TRIO: variants seen among roughly 807,000 people sequenced by gnomAD.
TRIO encodes triple functional domain protein.
Under a neutral mutation model 351.9 loss-of-function variants are expected in TRIO, and 58 were observed. The observed-to-expected ratio is 0.16, with a 90% CI of 0.13 to 0.21. The LOEUF is 0.21. TRIO is among the 10% of genes least tolerant of loss of function. The pLI, the probability that TRIO is intolerant of heterozygous loss-of-function variation, is 1.00. For synonymous variants in TRIO, 1,758 were observed against 1,595.7 expected, an observed-to-expected ratio of 1.10 and a Z score of -2.42; for missense variants, 3,201 against 4,027.8, an observed-to-expected ratio of 0.79 and a Z score of 5.56.
At chr5:14,320,172 G>A (rs1245853395) in intron 9 of TRIO, among the ~76,000 whole-genome samples, 2 of 152,128 alleles carry the variant, frequency 1.3e-5, no homozygotes, top group East Asian at 1.9e-4. Flanking sequence ...AACTCTCAGC[G>A]AAGGTTTGGT....
intron 1 of TRIO, among the ~76,000 whole-genome samples, chr5:14,211,661 A>G (rs16903313): frequency 0.056 from 8,262 of 147,450 alleles, 752 homozygotes; most frequent in African/African-American, 0.2. Flanking sequence ...TTTTTGTCAC[A>G]TATGTTTTCT....
At chr5:14,396,067 A>AG (rs1343607169) in intron 28 of TRIO, among the ~76,000 whole-genome samples, 2 of 150,350 alleles carry the variant, frequency 1.3e-5, no homozygotes, top group Non-Finnish European at 3.0e-5. Flanking sequence ...AAAAAAAAAA[A>AG]GGATCTTGGA....
At chr5:14,479,795 C>T (rs1755378262) in intron 42 of TRIO, 124 bp from the exon 43 acceptor site, 1 of 802,772 alleles carries the variant, frequency 1.2e-6, no homozygotes, top group African/African-American at 1.7e-5. Context: ...TCTAGTTAGT[C>T]TAGTGCTTTT....
intron 9 of TRIO, among the ~76,000 whole-genome samples, chr5:14,321,464 G>A (rs1181767266): frequency 6.6e-6 from 1 of 152,248 alleles, no homozygotes; most frequent in African/African-American, 2.4e-5. Flanking sequence ...ACAGCATCAA[G>A]CTCATCTTGG....
At chr5:14,233,261 A>C (rs1489007898) in intron 1 of TRIO, among the ~76,000 whole-genome samples, 1 of 148,220 alleles carries the variant, frequency 6.7e-6, no homozygotes, top group Non-Finnish European at 1.5e-5. Flanking sequence ...CAAGTGGATC[A>C]CTTGAGCCCA....
chr5:14,434,634 G>T (rs547202072), intron 34 of TRIO, among the ~76,000 whole-genome samples: 2 of 152,190 alleles, frequency 1.3e-5, no homozygotes, highest in African/African-American at 4.8e-5. Context: ...GCATGAACCC[G>T]AATGCAGTGC....
rs760691807 is a variant in TRIO at position 14,398,899 on chromosome 5, G to A, written c.4443G>A (p.Glu1481=). 12 of 1,613,816 alleles carry A rather than the reference G, an allele frequency of 7.4e-6. No individual in the cohort carries two copies. The highest frequency in any genetic ancestry group is 4.4e-5 in the South Asian group (4 of 91,050). Residue 1481 remains glutamate (E), a synonymous_variant, in exon 30 of 57, where the codon GAG becomes GAA. Coordinates refer to ENST00000344204, the MANE Select transcript of TRIO (RefSeq NM_007118.4). ...TTGTAGGGTTTGATGAAAACATTGA[G>A]TCTCAGGGAGAACTCATCCTACAGG... is the stretch of plus-strand genomic sequence containing the variant. The part of the protein sequence containing the change: ...SMLEGFDENI[E]SQGELILQES...
intron 4 of TRIO, among the ~76,000 whole-genome samples, chr5:14,290,346 T>G (rs1008483607): frequency 1.3e-5 from 2 of 152,228 alleles, no homozygotes; most frequent in African/African-American, 4.8e-5. Context: ...TAAGTGAAAT[T>G]TCTGAATTGT....
At chr5:14,254,126 G>A (rs953139290) in intron 1 of TRIO, among the ~76,000 whole-genome samples, 3 of 152,162 alleles carry the variant, frequency 2.0e-5, no homozygotes, top group Admixed American at 2.0e-4. Flanking sequence ...GAATAGTAAA[G>A]TAAGTAATAA....
chr5:14,246,170 G>T (rs1400097900), intron 1 of TRIO, among the ~76,000 whole-genome samples: 2 of 152,126 alleles, frequency 1.3e-5, no homozygotes, highest in African/African-American at 2.4e-5. Flanking sequence ...AAATCAGAAG[G>T]TGAAAGTTCA....
intron 48 of TRIO, 85 bp downstream of exon 48, chr5:14,488,345 ACTCGGCTGCC>A: frequency 6.8e-7 from 1 of 1,479,752 alleles, no homozygotes; most frequent in Non-Finnish European, 9.0e-7. Context: ...GTTCTCACTA[ACTCGGCTGCC>A]CAGCGCTCTC....
intron 11 of TRIO, among the ~76,000 whole-genome samples, chr5:14,338,440 G>A (rs534772335): frequency 3.9e-5 from 6 of 152,280 alleles, no homozygotes; most frequent in South Asian, 4.2e-4. Context: ...GTGGTTAGCC[G>A]CTCTCCCTTG....
rs1227334053 is a variant in TRIO at position 14,488,062 on chromosome 5, C to G, written c.7434C>G (p.Pro2478=). ...AGGAGCCCTTCCCCCCCAGCAGCCC[C>G]CTGCAGAAGGGGGGCTCCTTCTGGA... ...LGKEPFPPSS[P]LQKGGSFWSS... Residue 2478 remains proline, a synonymous_variant, in exon 48 of 57, where the codon CCC becomes CCG. Coordinates refer to ENST00000344204, the MANE Select transcript of TRIO (RefSeq NM_007118.4). The G allele has an allele frequency of 6.2e-7, 1 of 1,610,026 alleles. No individual in the cohort carries two copies. The highest frequency in any genetic ancestry group is 1.3e-5 in the African/African-American group (1 of 74,878).
chr5:14,162,674 T>C (rs1426189442), intron 1 of TRIO, among the ~76,000 whole-genome samples: 1 of 152,254 alleles, frequency 6.6e-6, no homozygotes, highest in Non-Finnish European at 1.5e-5. Context: ...TTTTATATCC[T>C]GGCTTGATGA....
chr5:14,403,249 A>AGCTTGTGGTGAGGGTG (rs1748288450), intron 31 of TRIO, among the ~76,000 whole-genome samples: 1 of 18,542 alleles, frequency 5.4e-5, no homozygotes, highest in African/African-American at 2.2e-4. Context: ...TGGTGAGGGT[A>AGCTTGTGGTGAGGGTG]CAGGTGGTGG....
chr5:14,319,348 G>A (rs1739664306), intron 9 of TRIO, among the ~76,000 whole-genome samples: 1 of 152,154 alleles, frequency 6.6e-6, no homozygotes, highest in South Asian at 2.1e-4. Context: ...AAAGAGTGAG[G>A]CTGGTAAGAT....
At chr5:14,322,516 AG>A (rs1323746198) in intron 9 of TRIO, among the ~76,000 whole-genome samples, 1 of 152,254 alleles carries the variant, frequency 6.6e-6, no homozygotes, top group Non-Finnish European at 1.5e-5. Context: ...AACACATCCC[AG>A]GTCTATAGAG....
intron 1 of TRIO, among the ~76,000 whole-genome samples, chr5:14,231,407 G>T (rs1327497630): frequency 1.3e-5 from 2 of 152,186 alleles, no homozygotes; most frequent in African/African-American, 4.8e-5. Flanking sequence ...GTAGTAATGA[G>T]TCATAATCAC....
chr5:14,426,178 C>G (rs1365055249), intron 34 of TRIO, among the ~76,000 whole-genome samples: 1 of 152,128 alleles, frequency 6.6e-6, no homozygotes, highest in African/African-American at 2.4e-5. Flanking sequence ...GAATAAAATT[C>G]AGCTTCCTCA....
Sources: allele counts gnomAD v4.1 joint callset (sites outside exome capture counted in the v4.1 genomes callset), GRCh38; gene constraint gnomAD v4.1.1; transcripts MANE v1.5; gene names NCBI Gene and HGNC (gene_info 2026-07-23, HGNC 2026-07-21).